The following POF1B variants were observed in gnomAD, a reference collection of about 807,000 sequenced individuals.
POF1B encodes the protein protein POF1B.
In POF1B, 53 loss-of-function variants were observed where a neutral mutation model predicts 55.3. That is an observed-to-expected ratio of 0.96 (90% CI 0.77 to 1.20). POF1B has a LOEUF of 1.20. Among genes scored for constraint, POF1B ranks in the 50% most tolerant of loss-of-function variants. The pLI, the probability that POF1B is intolerant of heterozygous loss-of-function variation, is 0.00. For synonymous variants in POF1B, 188 were observed against 148.3 expected (o/e 1.27, Z -1.95); for missense variants, 478 against 420.5 (o/e 1.14, Z -1.20).
chrX:85,328,964 T>A (rs2147923775), intron 7 of POF1B, among the ~76,000 whole-genome samples: 1 of 111,342 alleles, frequency 9.0e-6, no homozygotes, highest in African/African-American at 3.3e-5. Flanking sequence ...TGTGATACTT[T>A]GATAGAAATA....
chrX:85,294,290 G>T (rs779532979), intron 15 of POF1B, among the ~76,000 whole-genome samples: 3 of 111,696 alleles, frequency 2.7e-5, no homozygotes, highest in African/African-American at 6.5e-5. Context: ...TCTTTGTCTT[G>T]TTCCAGTTCT....
chrX:85,311,561 G>A (rs192215959), intron 9 of POF1B, among the ~76,000 whole-genome samples: 23 of 111,747 alleles, frequency 2.1e-4, no homozygotes, highest in Admixed American at 1.4e-3. Context: ...TCCATGGTGC[G>A]TATGTCCCAC....
intron 11 of POF1B, 27 bp from the exon 12 acceptor site, chrX:85,306,360 A>G (rs1164092497): frequency 3.4e-5 from 40 of 1,182,360 alleles, no homozygotes; most frequent in Non-Finnish European, 4.4e-5. Context: ...AGTACATAAG[A>G]CAAATGCATT....
In POF1B at chrX:85,278,390, A is replaced by G. The variant is rs1275775388; in HGVS notation, c.*1031T>C. On this transcript the variant is annotated 3_prime_UTR_variant, in exon 17 of 17. Coordinates refer to ENST00000262753, the MANE Select transcript of POF1B (RefSeq NM_024921.4). ...TTTGCTAAGTCTTAACTTTAGCCAG[A>G]TGGGTTGAAATGTAAAATTTTCATC... 2 of 111,137 alleles carry G rather than the reference A, an allele frequency of 1.8e-5. No individual in the cohort carries two copies. Among genetic ancestry groups the G allele is most frequent in the African/African-American group, 6.5e-5 (2 of 30,708 alleles). The allele number at this position is 111,137 out of a possible 1,213,427, so 9.2% of individuals were successfully genotyped here. A position where few individuals can be genotyped will look rare whatever the true frequency, so the allele number is the denominator to read the frequency against.
At chrX:85,343,786 C>T (rs1459427369) in intron 6 of POF1B, among the ~76,000 whole-genome samples, 1 of 110,647 alleles carries the variant, frequency 9.0e-6, no homozygotes, top group Non-Finnish European at 1.9e-5. Context: ...GCAGACTCTT[C>T]TTAACCAAGT....
intron 12 of POF1B, 37 bp from the exon 13 acceptor site, chrX:85,305,947 T>C: frequency 8.4e-7 from 1 of 1,183,713 alleles, no homozygotes; most frequent in Non-Finnish European, 1.1e-6. Context: ...AATTGGATTG[T>C]TTTGAAGAAA....
intron 15 of POF1B, among the ~76,000 whole-genome samples, chrX:85,295,723 G>A (rs1932294933): frequency 8.9e-6 from 1 of 112,055 alleles, no homozygotes. Context: ...TTCTGTTGAT[G>A]TCTATTAGGT....
intron 15 of POF1B, among the ~76,000 whole-genome samples, chrX:85,289,390 AC>A (rs1932130640): frequency 1.8e-5 from 2 of 112,074 alleles, no homozygotes; most frequent in Non-Finnish European, 3.8e-5. Flanking sequence ...AGTCTGGACA[AC>A]CGTGTGCATG....
chrX:85,376,550 C>T (rs186484831), intron 2 of POF1B, among the ~76,000 whole-genome samples: 4 of 111,355 alleles, frequency 3.6e-5, no homozygotes, highest in Non-Finnish European at 7.5e-5. Context: ...GGTTTCTACA[C>T]TTAATTTTCT....
intron 15 of POF1B, among the ~76,000 whole-genome samples, chrX:85,286,700 T>A (rs768256936): frequency 4.2e-4 from 47 of 111,474 alleles, no homozygotes; most frequent in African/African-American, 1.4e-3. Context: ...TTAGTGCAGA[T>A]AAAGGGTGAT....
intron 15 of POF1B, among the ~76,000 whole-genome samples, chrX:85,285,491 G>A (rs866789704): frequency 2.7e-5 from 3 of 110,388 alleles, no homozygotes; most frequent in Admixed American, 1.9e-4. Flanking sequence ...ATGAGTTCAC[G>A]TCCTTTGTAG....
intron 16 of POF1B, among the ~76,000 whole-genome samples, chrX:85,280,177 CTT>C (rs1167312454): frequency 9.0e-6 from 1 of 111,309 alleles, no homozygotes. Flanking sequence ...TCTAAAGAAA[CTT>C]TTTGAATTTT....
At chrX:85,346,827 T>G (rs1025034730) in intron 5 of POF1B, among the ~76,000 whole-genome samples, 1 of 110,528 alleles carries the variant, frequency 9.0e-6, no homozygotes, top group Non-Finnish European at 1.9e-5. Context: ...TTTATCATCA[T>G]TTACCCTACT....
chrX:85,318,219 TA>T (rs1180426450), intron 7 of POF1B, among the ~76,000 whole-genome samples: 5 of 111,424 alleles, frequency 4.5e-5, no homozygotes, highest in Non-Finnish European at 9.5e-5. Flanking sequence ...TCCCGAACTT[TA>T]AAAAAATGTT....
chrX:85,281,079 A>G (rs1400522686), intron 16 of POF1B, among the ~76,000 whole-genome samples: 1 of 110,790 alleles, frequency 9.0e-6, no homozygotes, highest in Non-Finnish European at 1.9e-5. Context: ...CAACTGTGCT[A>G]GGGAATATAT....
At chrX:85,379,563 A>AGACAAAC (rs1277265782) in intron 1 of POF1B, 68 bp from the exon 2 acceptor site, 8 of 858,962 alleles carry the variant, frequency 9.3e-6, no homozygotes, top group African/African-American at 8.1e-5. Context: ...GCAGGCAGAC[A>AGACAAAC]GACACACGAC....
chrX:85,328,424 T>C (rs1932925687), intron 7 of POF1B, among the ~76,000 whole-genome samples: 1 of 110,333 alleles, frequency 9.1e-6, no homozygotes, highest in African/African-American at 3.3e-5. Context: ...CAGGATGGTC[T>C]CAATCTCCTG....
At chrX:85,359,707 A>C (rs905126232) in intron 3 of POF1B, 77 bp from the exon 4 acceptor site, 4 of 653,267 alleles carry the variant, frequency 6.1e-6, no homozygotes, top group African/African-American at 4.5e-5. Context: ...AATAGGGAAC[A>C]ATTTCCAGGG....
intron 9 of POF1B, among the ~76,000 whole-genome samples, chrX:85,312,154 T>C (rs1315829974): frequency 8.9e-6 from 1 of 112,148 alleles, no homozygotes; most frequent in Non-Finnish European, 1.9e-5. Flanking sequence ...TAGTTTCTTT[T>C]GCTGTGCAGA....
Sources: gnomAD v4.1 joint callset for allele counts (sites outside exome capture counted in the v4.1 genomes callset) on GRCh38, gnomAD v4.1.1 for gene constraint, MANE v1.5 for transcripts, NCBI Gene and HGNC (gene_info 2026-07-23, HGNC 2026-07-21) for gene names.